CEP83: variants seen among roughly 807,000 people sequenced by gnomAD.
The protein encoded by CEP83 is centrosomal protein 83, also known as centrosomal protein of 83 kDa.
Under a neutral mutation model 101.9 loss-of-function variants are expected in CEP83, and 70 were observed. The observed-to-expected ratio is 0.69, with a 90% CI of 0.57 to 0.84. CEP83 has a LOEUF of 0.84. Among genes scored for constraint, CEP83 ranks in the 40% least tolerant of loss-of-function variants. The pLI is 0.00. For synonymous variants in CEP83, 264 were observed against 267.9 expected (o/e 0.99, Z 0.14); for missense variants, 715 against 787.2 (o/e 0.91, Z 1.10).
At chr12:94,447,505 A>G (rs1420669847) in intron 1 of CEP83, among the ~76,000 whole-genome samples, 2 of 152,214 alleles carry the variant, frequency 1.3e-5, no homozygotes, top group African/African-American at 4.8e-5. Context: ...CTGTCTGGAA[A>G]AAAAAGAAAA....
chr12:94,368,887 G>A (rs890295627), intron 9 of CEP83: 1 of 152,238 alleles, frequency 6.6e-6, no homozygotes. Flanking sequence ...CAGACACGGT[G>A]TTAGCACCTG....
At chr12:94,313,955 ATC>A (rs1212417591) in intron 14 of CEP83, among the ~76,000 whole-genome samples, 1 of 152,252 alleles carries the variant, frequency 6.6e-6, no homozygotes, top group African/African-American at 2.4e-5. Context: ...ATATGGATGC[ATC>A]TGTTTAAAAG....
chr12:94,354,185 A>ATTC (rs1026026957), intron 11 of CEP83, among the ~76,000 whole-genome samples: 1 of 151,696 alleles, frequency 6.6e-6, no homozygotes, highest in Non-Finnish European at 1.5e-5. Context: ...CAGAGTACTC[A>ATTC]TTCTTCTTCT....
Position 94,403,465 on chromosome 12 carries a change from A to G in CEP83, c.325-203T>C, listed in dbSNP as rs180890954. Among the ~76,000 whole-genome samples the G allele has an allele frequency of 5.9e-4, 90 of 152,348 alleles. 1 individual carries two copies. The East Asian group carries it at 0.016, about 27-fold the overall frequency. ...TCAATTTCAGGCTCTTGGAGATGTC[A>G]AAAATTCCATTAACATGAAGTAAAG... On this transcript the variant is annotated intron_variant, in intron 4 of 16. Transcript: ENST00000397809.
At chr12:94,309,012 A>T (rs1969414863) in intron 16 of CEP83, 95 bp from the exon 17 acceptor site, 1 of 787,778 alleles carries the variant, frequency 1.3e-6, no homozygotes, top group Admixed American at 2.0e-5. Context: ...TGCCTATAAC[A>T]TCTGGCAAGG....
At chr12:94,416,578 A>C (rs75940086) in intron 2 of CEP83, among the ~76,000 whole-genome samples, 39,713 of 118,412 alleles carry the variant, frequency 0.34, 5,866 homozygotes, top group Non-Finnish European at 0.4. Flanking sequence ...ACACACAAAA[A>C]AAAAAAAACT....
intron 11 of CEP83, among the ~76,000 whole-genome samples, chr12:94,345,833 A>C (rs1161087729): frequency 6.6e-6 from 1 of 152,202 alleles, no homozygotes; most frequent in Non-Finnish European, 1.5e-5. Context: ...TAAGATTTCC[A>C]TACGATTGTC....
At chr12:94,366,915 T>A (rs145071260) in intron 11 of CEP83, among the ~76,000 whole-genome samples, 4 of 152,018 alleles carry the variant, frequency 2.6e-5, no homozygotes, top group Non-Finnish European at 5.9e-5. Flanking sequence ...GATCTTCCAA[T>A]AGCCAAATCT....
chr12:94,346,020 T>G (rs922031608), intron 11 of CEP83, among the ~76,000 whole-genome samples: 1 of 152,124 alleles, frequency 6.6e-6, no homozygotes, highest in Non-Finnish European at 1.5e-5. Context: ...TCCTGAGCTC[T>G]GGACCCTTGA....
intron 1 of CEP83, among the ~76,000 whole-genome samples, chr12:94,436,755 C>T (rs1252779143): frequency 2.0e-5 from 3 of 148,530 alleles, no homozygotes; most frequent in African/African-American, 7.5e-5. Flanking sequence ...CACTTGAACC[C>T]GGAGGAGGTT....
At position 94,373,703 on chromosome 12, in the gene CEP83, C is replaced by A. The variant is rs373529879; in HGVS notation, c.933+2183G>T. Among the ~76,000 whole-genome samples the A allele has an allele frequency of 2.0e-5, 3 of 152,274 alleles. No individual in the cohort carries two copies. The East Asian group carries it at 5.8e-4, about 29-fold the overall frequency. On this transcript the variant is annotated intron_variant, in intron 8 of 16. Coordinates refer to ENST00000397809, the MANE Select transcript of CEP83 (RefSeq NM_016122.3). ...CATTTTCAGGCCATCTTTGGTAATA[C>A]CTTTTAATCCAAGACACTGATACTC...
chr12:94,276,619 T>C, the CEP83 span, among the ~76,000 whole-genome samples: 30,799 of 152,164 alleles, frequency 0.2, 3,229 homozygotes, highest in Admixed American at 0.24. Flanking sequence ...TCAGCCCCTC[T>C]GTGCCTCAGT....
chr12:94,283,061 A>G, the CEP83 span, among the ~76,000 whole-genome samples: 1 of 152,206 alleles, frequency 6.6e-6, no homozygotes, highest in Non-Finnish European at 1.5e-5. Flanking sequence ...ATCTTTGTTG[A>G]ATATCCACTC....
chr12:94,368,458 C>T, intron 9 of CEP83: 1 of 333,472 alleles, frequency 3.0e-6, no homozygotes, highest in Non-Finnish European at 5.4e-6. Context: ...AAGCTGTATA[C>T]ATTTACTCAT....
At chr12:94,324,652 A>C (rs1834695669) in intron 14 of CEP83, among the ~76,000 whole-genome samples, 1 of 152,058 alleles carries the variant, frequency 6.6e-6, no homozygotes, top group Non-Finnish European at 1.5e-5. Flanking sequence ...TCTGTCACTG[A>C]TTTGTGCTCA....
At chr12:94,303,577 A>C (rs907505423), downstream of CEP83, among the ~76,000 whole-genome samples, 2 of 152,154 alleles carry the variant, frequency 1.3e-5, no homozygotes, top group African/African-American at 4.8e-5. Context: ...TCTAGATAGC[A>C]GTCAGTCATT....
At chr12:94,302,463 T>C (rs1555212911), downstream of CEP83, among the ~76,000 whole-genome samples, 1 of 152,194 alleles carries the variant, frequency 6.6e-6, no homozygotes, top group Non-Finnish European at 1.5e-5. Flanking sequence ...TTGTGAACTT[T>C]CCCCAATATA....
At chr12:94,405,877 T>C (rs906660374) in intron 4 of CEP83, among the ~76,000 whole-genome samples, 1 of 152,118 alleles carries the variant, frequency 6.6e-6, no homozygotes, top group African/African-American at 2.4e-5. Context: ...GAAAGACAAC[T>C]ATGAAGACCT....
intron 14 of CEP83, among the ~76,000 whole-genome samples, chr12:94,315,280 T>C (rs1970496756): frequency 6.6e-6 from 1 of 152,166 alleles, no homozygotes; most frequent in Non-Finnish European, 1.5e-5. Context: ...CATCCTGTTT[T>C]GGTGAAATAC....
Sources: gnomAD v4.1 joint callset for allele counts (sites outside exome capture counted in the v4.1 genomes callset) on GRCh38, gnomAD v4.1.1 for gene constraint, MANE v1.5 for transcripts, NCBI Gene and HGNC (gene_info 2026-07-23, HGNC 2026-07-21) for gene names.